The following GRID2 variants were observed in gnomAD, a reference collection of about 807,000 sequenced individuals.
GRID2 encodes glutamate ionotropic receptor delta type subunit 2.
Under a neutral mutation model 114.8 loss-of-function variants are expected in GRID2, and 33 were observed. The observed-to-expected ratio is 0.29, with a 90% CI of 0.22 to 0.38. GRID2 has a LOEUF of 0.38. Among genes scored for constraint, GRID2 ranks in the 10% least tolerant of loss-of-function variants. GRID2 has a pLI of 1.00. For missense variants in GRID2, 1,184 were observed against 1,257.7 expected, an observed-to-expected ratio of 0.94 and a Z score of 0.89; for synonymous variants, 505 against 449.9, an observed-to-expected ratio of 1.12 and a Z score of -1.55.
chr4:93,095,533 T>C lies in GRID2; in HGVS notation c.529+10254T>C, dbSNP rs567811672. Among the ~76,000 whole-genome samples, 303 of 152,180 alleles carry C rather than the reference T, an allele frequency of 2.0e-3. 2 individuals are homozygous for C. The highest frequency in any genetic ancestry group is 7.2e-3 in the African/African-American group (298 of 41,558). ...AAGCAAATATGTCTTTATTTCTCAATACATAATAATGCACATAGAAAATCC... is the reference window on the plus strand; with the variant it reads ...AAGCAAATATGTCTTTATTTCTCAACACATAATAATGCACATAGAAAATCC... On this transcript the variant is annotated intron_variant, in intron 3 of 15. Transcript: ENST00000282020.
At position 93,207,421 on chromosome 4, in the gene GRID2, G is replaced by T; in HGVS notation, c.753G>T (p.Leu251Phe). ...SFITEVVETN[L>F]VAFDCHWIII... ...TATTCTAGGTTGTGGAGACTAATTT[G>T]GTTGCTTTTGACTGTCACTGGATCA... Residue 251 changes from leucine to phenylalanine, a missense_variant, in exon 5 of 16, where the codon TTG becomes TTT. By Grantham distance (22) the Leu-to-Phe change is conservative (BLOSUM62 0). Transcript: ENST00000282020. 1.2e-6 allele frequency: 2 copies of T among 1,602,510 alleles called. No homozygotes were observed. Among genetic ancestry groups the T allele is most frequent in the Non-Finnish European group, 1.7e-6 (2 of 1,170,164 alleles).
At chr4:92,576,293 T>G (rs1319133516) in intron 1 of GRID2, among the ~76,000 whole-genome samples, 1 of 152,140 alleles carries the variant, frequency 6.6e-6, no homozygotes, top group Non-Finnish European at 1.5e-5. Flanking sequence ...TCCGGACCAT[T>G]TGGACTCTCC....
Position 93,414,391 on chromosome 4 carries a change from A to G in GRID2, c.1348-8380A>G, listed in dbSNP as rs570807322. ...AGTCAAAGTAACAGCTGACATCATCATAGTGGCCTAAAGACTCTAGTGAAG... is the reference window on the plus strand; with the variant it reads ...AGTCAAAGTAACAGCTGACATCATCGTAGTGGCCTAAAGACTCTAGTGAAG... On this transcript the variant is annotated intron_variant, in intron 9 of 15. Transcript: ENST00000282020. 1.1e-3 allele frequency among the ~76,000 whole-genome samples: 168 copies of G among 152,240 alleles called. 1 individual carries two copies. The highest frequency in any genetic ancestry group is 3.6e-3 in the African/African-American group (150 of 41,548).
chr4:92,749,378 G>T (rs372541638), intron 2 of GRID2, among the ~76,000 whole-genome samples: 68 of 142,918 alleles, frequency 4.8e-4, no homozygotes, highest in African/African-American at 1.7e-3. Context: ...GCAGTGGCGC[G>T]ATCTCAGCTC....
At chr4:92,323,256 G>A (rs1017057625) in intron 1 of GRID2, among the ~76,000 whole-genome samples, 3 of 152,132 alleles carry the variant, frequency 2.0e-5, no homozygotes, top group South Asian at 4.1e-4. Flanking sequence ...TAAGATGTTA[G>A]CCTTAACGGT....
intron 1 of GRID2, among the ~76,000 whole-genome samples, chr4:93,780,171 G>A (rs1734450985): frequency 6.6e-6 from 1 of 152,214 alleles, no homozygotes; most frequent in Admixed American, 6.5e-5. Flanking sequence ...GGCCAGAGCA[G>A]AAGTGGGGAT....
intron 8 of GRID2, among the ~76,000 whole-genome samples, chr4:93,267,675 A>G (rs1414011060): frequency 1.3e-5 from 2 of 152,200 alleles, no homozygotes; most frequent in Non-Finnish European, 2.9e-5. Flanking sequence ...CTCTCAGTCC[A>G]GTCCCACAAA....
chr4:93,499,132 C>A (rs1385293061), intron 12 of GRID2, among the ~76,000 whole-genome samples: 1 of 151,738 alleles, frequency 6.6e-6, no homozygotes, highest in Non-Finnish European at 1.5e-5. Flanking sequence ...ATATTCCCCG[C>A]TTCTATTTCT....
At chr4:92,699,040 ACT>A (rs1280996405) in intron 2 of GRID2, among the ~76,000 whole-genome samples, 1 of 152,020 alleles carries the variant, frequency 6.6e-6, no homozygotes, top group Non-Finnish European at 1.5e-5. Flanking sequence ...CTTTTCTATT[ACT>A]GTTTTATTAT....
chr4:93,267,927 G>A (rs1192869637), intron 8 of GRID2, among the ~76,000 whole-genome samples: 1 of 152,130 alleles, frequency 6.6e-6, no homozygotes. Context: ...CCGTCTCTCT[G>A]CTACTCCCCA....
intron 4 of GRID2, among the ~76,000 whole-genome samples, chr4:93,205,412 G>GT (rs1326605063): frequency 6.6e-6 from 1 of 152,052 alleles, no homozygotes; most frequent in African/African-American, 2.4e-5. Flanking sequence ...GTGGTGTTTG[G>GT]TTTTTTGTCC....
chr4:93,038,268 T>C (rs779188204), intron 2 of GRID2, among the ~76,000 whole-genome samples: 1 of 152,158 alleles, frequency 6.6e-6, no homozygotes, highest in Non-Finnish European at 1.5e-5. Context: ...TTGTCTGTTA[T>C]TGGTGTATAG....
intron 12 of GRID2, among the ~76,000 whole-genome samples, chr4:93,492,889 C>T (rs186474766): frequency 4.0e-5 from 6 of 151,772 alleles, no homozygotes; most frequent in Admixed American, 2.6e-4. Context: ...ACCCTTTGAC[C>T]GACATCTCCA....
intron 13 of GRID2, among the ~76,000 whole-genome samples, chr4:93,554,171 C>A (rs1734068820): frequency 6.6e-6 from 1 of 152,044 alleles, no homozygotes. Context: ...ATAATATATA[C>A]AAAAAATAAA....
chr4:92,627,052 A>G (rs1397785062), intron 2 of GRID2, among the ~76,000 whole-genome samples: 1 of 152,148 alleles, frequency 6.6e-6, no homozygotes, highest in Non-Finnish European at 1.5e-5. Context: ...AGCACAGCTG[A>G]AGAGAACCAT....
At chr4:93,305,265 T>C (rs946713093) in intron 8 of GRID2, among the ~76,000 whole-genome samples, 3 of 152,130 alleles carry the variant, frequency 2.0e-5, no homozygotes, top group Non-Finnish European at 4.4e-5. Context: ...TTGTCAAGTT[T>C]ATAGACAGGG....
chr4:93,110,552 C>T (rs574911856), intron 3 of GRID2, among the ~76,000 whole-genome samples, 196 bp from the exon 4 acceptor site: 1 of 152,270 alleles, frequency 6.6e-6, no homozygotes, highest in Non-Finnish European at 1.5e-5. Context: ...AATAACAATT[C>T]CTACATTTTT....
At chr4:92,691,773 T>C (rs894634325) in intron 2 of GRID2, among the ~76,000 whole-genome samples, 2 of 152,150 alleles carry the variant, frequency 1.3e-5, no homozygotes, top group African/African-American at 4.8e-5. Context: ...TCATCACACA[T>C]ACCAATGCCA....
intron 2 of GRID2, among the ~76,000 whole-genome samples, chr4:92,773,829 C>T (rs1738653008): frequency 3.9e-5 from 6 of 151,900 alleles, no homozygotes; most frequent in Admixed American, 2.0e-4. Context: ...AATTTTGAGA[C>T]ATATATAATC....
Sources: allele counts gnomAD v4.1 joint callset (sites outside exome capture counted in the v4.1 genomes callset), GRCh38; gene constraint gnomAD v4.1.1; transcripts MANE v1.5; gene names NCBI Gene and HGNC (gene_info 2026-07-23, HGNC 2026-07-21).